The following ATP1A4 variants were observed in gnomAD, a reference collection of about 807,000 sequenced individuals.
ATP1A4 encodes the protein sodium/potassium-transporting ATPase subunit alpha-4.
Under a neutral mutation model 114.3 loss-of-function variants are expected in ATP1A4, and 90 were observed. The ratio of observed to expected loss-of-function variants is 0.79; its 90% CI spans 0.66 to 0.94. ATP1A4 has a LOEUF of 0.94. ATP1A4 is among the 40% of genes least tolerant of loss of function. The pLI is 0.00. For synonymous variants in ATP1A4, 511 were observed against 494.1 expected, an observed-to-expected ratio of 1.03 and a Z score of -0.45; for missense variants, 1,222 against 1,313.6, an observed-to-expected ratio of 0.93 and a Z score of 1.08.
At chr1:160,162,256 A>G (rs1385951888) in intron 6 of ATP1A4, among the ~76,000 whole-genome samples, 1 of 152,202 alleles carries the variant, frequency 6.6e-6, no homozygotes, top group Non-Finnish European at 1.5e-5. Flanking sequence ...TCAATGGTAG[A>G]AATTTCAGTC....
At chr1:160,186,632 T>C in intron 21 of ATP1A4, 39 bp from the exon 22 acceptor site, 1 of 1,602,298 alleles carries the variant, frequency 6.2e-7, no homozygotes, top group South Asian at 1.1e-5. Flanking sequence ...TGCCTCTAAT[T>C]CCTTCTCCCA....
In ATP1A4 at chr1:160,166,675, A is replaced by G; in HGVS notation, c.1195A>G (p.Met399Val). 1 of 1,614,144 alleles carries G rather than the reference A, an allele frequency of 6.2e-7. No individual in the cohort carries two copies. Among genetic ancestry groups the G allele is most frequent in the Non-Finnish European group, 8.5e-7 (1 of 1,180,018 alleles). Reference protein sequence around the residue: ...LTQNRMTVAHMWFDMTVYEAD... With the variant: ...LTQNRMTVAHVWFDMTVYEAD... ...CCAGAACCGCATGACCGTCGCCCACATGTGGTTTGATATGACCGTGTATGA... is the reference window on the plus strand; with the variant it reads ...CCAGAACCGCATGACCGTCGCCCACGTGTGGTTTGATATGACCGTGTATGA... The change falls in exon 8 of 22, where the codon ATG becomes GTG. Residue 399 changes from methionine (M) to valine (V), a missense_variant. Transcript: ENST00000368081.
chr1:160,186,086 C>CAAAAAAAAAAAAA (rs527303426), intron 20 of ATP1A4, among the ~76,000 whole-genome samples, 190 bp from the exon 21 acceptor site: 3,655 of 32,730 alleles, frequency 0.11, 959 homozygotes, highest in East Asian at 0.26. Flanking sequence ...GACTCTGTCG[C>CAAAAAAAAAAAAA]AAAAAAAAAA....
intron 16 of ATP1A4, 116 bp downstream of exon 16, chr1:160,176,362 C>G: frequency 1.9e-6 from 3 of 1,582,330 alleles, no homozygotes; most frequent in Non-Finnish European, 2.6e-6. Context: ...ATCCAGCTCT[C>G]GCACCTCCTG....
chr1:160,174,525 A>C, intron 14 of ATP1A4, 54 bp from the exon 15 acceptor site: 1 of 1,583,838 alleles, frequency 6.3e-7, no homozygotes, highest in Non-Finnish European at 8.6e-7. Context: ...CTTTGGGACT[A>C]GTTCTGGATC....
At chr1:160,163,395 T>C (rs1397441936) in intron 6 of ATP1A4, among the ~76,000 whole-genome samples, 2 of 152,188 alleles carry the variant, frequency 1.3e-5, no homozygotes, top group Non-Finnish European at 2.9e-5. Context: ...TCACAAGTCC[T>C]AGGTTATGGC....
chr1:160,159,291 G>A, intron 5 of ATP1A4, 118 bp from the exon 6 acceptor site: 3 of 1,343,654 alleles, frequency 2.2e-6, no homozygotes, highest in Non-Finnish European at 3.1e-6. Context: ...GTGTAAATTT[G>A]TTTCTCTCAG....
Position 160,155,250 on chromosome 1 carries a change from TGA to T in ATP1A4, c.411+4_411+5del. 6.2e-7 allele frequency: 1 copy of T among 1,611,700 alleles called. No individual in the cohort carries two copies. Among genetic ancestry groups the T allele is most frequent in the Non-Finnish European group, 8.5e-7 (1 of 1,178,942 alleles). On this transcript the variant is annotated splice_donor_region_variant and intron_variant, in intron 3 of 21. Transcript: ENST00000368081. ...AATGAGGAGCCTACCAAAGACAACG[TGA>T]GTCTCTTCAGCTACTACTAGCCAGC...
intron 12 of ATP1A4, among the ~76,000 whole-genome samples, chr1:160,172,122 C>A (rs544650720): frequency 6.6e-6 from 1 of 152,146 alleles, no homozygotes. Flanking sequence ...GACCAACGTG[C>A]GTGCAGATCC....
chr1:160,180,623 T>C (rs559556522), intron 18 of ATP1A4, among the ~76,000 whole-genome samples: 1 of 150,348 alleles, frequency 6.7e-6, no homozygotes, highest in African/African-American at 2.4e-5. Context: ...CTTTCCCCCC[T>C]GTACTCACAT....
chr1:160,180,618 C>T (rs1571035622), intron 18 of ATP1A4, among the ~76,000 whole-genome samples: 1 of 150,950 alleles, frequency 6.6e-6, no homozygotes, highest in Non-Finnish European at 1.5e-5. Flanking sequence ...TATTTCTTTC[C>T]CCCCTGTACT....
chr1:160,181,577 G>T, intron 18 of ATP1A4, 107 bp from the exon 19 acceptor site: 240 of 1,070,690 alleles, frequency 2.2e-4, no homozygotes, highest in Non-Finnish European at 2.9e-4. Flanking sequence ...AAAAAAGAAT[G>T]AGGACCTGAC....
Position 160,173,999 on chromosome 1 carries a change from G to A in ATP1A4, c.1992-112G>A, listed in dbSNP as rs1486536441. 7 of 1,334,486 alleles carry A rather than the reference G, an allele frequency of 5.2e-6. No homozygotes were observed. In the African/African-American group the frequency reaches 7.3e-5, roughly 14 times the overall value. 82.7% of individuals were successfully genotyped at this position (1,334,486 alleles called of 1,614,324 possible). ...GGACAATATAGGGCTAGGGACAAGT[G>A]AGGAGACTAGGTTGAAAGAAGAAGC... On this transcript the variant is annotated intron_variant, in intron 13 of 21. Transcript: ENST00000368081.
At chr1:160,159,581 G>C (rs1035320352) in intron 6 of ATP1A4, 55 bp downstream of exon 6, 2 of 1,468,434 alleles carry the variant, frequency 1.4e-6, no homozygotes, top group Non-Finnish European at 1.9e-6. Flanking sequence ...AAAACATAAA[G>C]ATTTTAATAA....
At chr1:160,168,173 GAGA>G (rs1409695138) in intron 10 of ATP1A4, among the ~76,000 whole-genome samples, 1 of 152,160 alleles carries the variant, frequency 6.6e-6, no homozygotes, top group Non-Finnish European at 1.5e-5. Context: ...GCAGACTGAA[GAGA>G]AGGTTATGGT....
intron 2 of ATP1A4, among the ~76,000 whole-genome samples, chr1:160,153,495 T>C (rs1024761251): frequency 1.3e-5 from 2 of 152,200 alleles, no homozygotes; most frequent in African/African-American, 4.8e-5. Context: ...CTTTACACTC[T>C]TAGAATTTAT....
chr1:160,175,506 T>G (rs1653427565), intron 15 of ATP1A4, among the ~76,000 whole-genome samples: 1 of 152,002 alleles, frequency 6.6e-6, no homozygotes, highest in Non-Finnish European at 1.5e-5. Context: ...ATCCCTGCCC[T>G]CGTGTAACTT....
intron 6 of ATP1A4, 38 bp from the exon 7 acceptor site, chr1:160,164,118 T>C: frequency 1.2e-6 from 2 of 1,604,268 alleles, no homozygotes; most frequent in Non-Finnish European, 1.7e-6. Flanking sequence ...TCTTATCATA[T>C]CACAACATCA....
chr1:160,163,102 C>G (rs569530032), intron 6 of ATP1A4, among the ~76,000 whole-genome samples: 1 of 152,202 alleles, frequency 6.6e-6, no homozygotes, highest in East Asian at 1.9e-4. Flanking sequence ...GGAACCAAAC[C>G]AAACAGCTTC....
Sources: gnomAD v4.1 joint callset for allele counts (sites outside exome capture counted in the v4.1 genomes callset) on GRCh38, gnomAD v4.1.1 for gene constraint, MANE v1.5 for transcripts, NCBI Gene and HGNC (gene_info 2026-07-23, HGNC 2026-07-21) for gene names.